DHX36: variants seen among roughly 807,000 people sequenced by gnomAD.
The protein encoded by DHX36 is DEAH-box helicase 36.
Under a neutral mutation model 139.0 loss-of-function variants are expected in DHX36, and 50 were observed. That is an observed-to-expected ratio of 0.36 (90% CI 0.29 to 0.46). The LOEUF is 0.46. Among genes scored for constraint, DHX36 ranks in the 20% least tolerant of loss-of-function variants. The pLI, the probability that DHX36 is intolerant of heterozygous loss-of-function variation, is 1.00. For missense variants in DHX36, 1,024 were observed against 1,211.3 expected (o/e 0.85, Z 2.29); for synonymous variants, 425 against 401.9 (o/e 1.06, Z -0.69).
intron 1 of DHX36, among the ~76,000 whole-genome samples, chr3:154,316,662 T>C (rs868489159): frequency 7.2e-5 from 11 of 152,044 alleles, no homozygotes; most frequent in South Asian, 2.1e-4. Flanking sequence ...CATCAGTGCT[T>C]ATAAGGTGAT....
Position 154,283,141 on chromosome 3 carries a change from C to T in DHX36, c.2376+47G>A, listed in dbSNP as rs539775364. ...ATTGTACAAAATGGATGTATATATT[C>T]TCTAATCTAGCATATATGATAATTA... On this transcript the variant is annotated intron_variant, in intron 20 of 24. Transcript: ENST00000496811. 19 of 1,413,930 alleles carry T rather than the reference C, an allele frequency of 1.3e-5. No homozygotes were observed. The African/African-American group carries it at 2.4e-4, about 18-fold the overall frequency. The allele number at this position is 1,413,930 out of a possible 1,614,324, so 87.6% of individuals were successfully genotyped here.
chr3:154,286,145 G>A lies in DHX36; in HGVS notation c.2032-1158C>T, dbSNP rs192115214. ...ATAAAAATGTCTTAGTAAACTTAAC[G>A]TAATAAGAGCTTCCACACACCAAAA... On this transcript the variant is annotated intron_variant, in intron 17 of 24. Coordinates refer to ENST00000496811, the MANE Select transcript of DHX36 (RefSeq NM_020865.3). Among the ~76,000 whole-genome samples, 16 of 85,014 alleles carry A rather than the reference G, an allele frequency of 1.9e-4. No individual in the cohort carries two copies. In the East Asian group the frequency reaches 4.1e-3, roughly 22 times the overall value. The allele number at this position is 85,014 out of a possible 152,430, so 55.8% of individuals were successfully genotyped here.
intron 16 of DHX36, 84 bp downstream of exon 16, chr3:154,289,625 G>A (rs1329485677): frequency 2.1e-5 from 17 of 812,644 alleles, no homozygotes; most frequent in Admixed American, 6.1e-5. Flanking sequence ...GTTTCTTGGA[G>A]ATTAATACAG....
rs1443246689 is a variant in DHX36 at position 154,306,202 on chromosome 3, T to A, written c.893+14A>T. ...CTAAAATCTGCCTGTATATAAGAAG[T>A]GAACATTTCTTACCTCTGGAGACGA... On this transcript the variant is annotated intron_variant, in intron 6 of 24. Transcript: ENST00000496811. 6.3e-6 allele frequency: 10 copies of A among 1,596,324 alleles called. No individual in the cohort carries two copies. The highest frequency in any genetic ancestry group is 7.7e-6 in the Non-Finnish European group (9 of 1,165,310).
intron 3 of DHX36, among the ~76,000 whole-genome samples, chr3:154,312,769 GGT>G (rs1712807497): frequency 6.8e-6 from 1 of 147,934 alleles, no homozygotes; most frequent in African/African-American, 2.5e-5. Flanking sequence ...TGGAGGTTGT[GGT>G]GAGCCGAGAT....
intron 4 of DHX36, among the ~76,000 whole-genome samples, chr3:154,310,953 A>C (rs1251999036): frequency 1.3e-5 from 2 of 149,534 alleles, no homozygotes; most frequent in African/African-American, 2.5e-5. Context: ...CTGAAATTAT[A>C]GCTGGTAAAT....
rs72996641 is a variant in DHX36 at position 154,293,734 on chromosome 3, A to G, written c.1670+14T>C. The G allele has an allele frequency of 1.0e-3, 1,664 of 1,601,652 alleles. 18 individuals carry two copies. The African/African-American group carries it at 0.02, about 19-fold the overall frequency. Reference sequence around the variant, plus strand: ...ATGTAATCATCAGTATTTGATATTTAAAACTATTTTTACCTAGTCTCCGCA... The same window carrying G: ...ATGTAATCATCAGTATTTGATATTTGAAACTATTTTTACCTAGTCTCCGCA... On this transcript the variant is annotated intron_variant, in intron 14 of 24. Transcript: ENST00000496811.
At chr3:154,323,004 T>C (rs1713252741) in intron 1 of DHX36, among the ~76,000 whole-genome samples, 1 of 152,034 alleles carries the variant, frequency 6.6e-6, no homozygotes. Context: ...GAACATGACA[T>C]GGTTAAAAGA....
chr3:154,321,346 GC>G (rs947636511), intron 1 of DHX36, among the ~76,000 whole-genome samples: 12 of 152,238 alleles, frequency 7.9e-5, no homozygotes, highest in African/African-American at 2.9e-4. Flanking sequence ...ACATGCTACT[GC>G]CTTTGCCTGG....
At position 154,288,952 on chromosome 3, in the gene DHX36, C is replaced by T. The variant is rs2666194; in HGVS notation, c.1945G>A (p.Gly649Ser). 1 of 1,560,906 alleles carries T rather than the reference C, an allele frequency of 6.4e-7. No individual in the cohort carries two copies. The highest frequency in any genetic ancestry group is 8.7e-7 in the Non-Finnish European group (1 of 1,149,328). The change falls in exon 17 of 25, where the codon GGT becomes AGT. Residue 649 changes from glycine to serine, a missense_variant. Around this residue, in one of 4 missense-constraint regions of DHX36, gnomAD observed 470 missense variants for 616.2 expected, o/e 0.76. Coordinates refer to ENST00000496811, the MANE Select transcript of DHX36 (RefSeq NM_020865.3). The stretch of plus-strand genomic sequence containing the variant: ...CTACTCAGAAAATAAGCAATTCCAC[C>T]TAGCCTTAAAATCTAAGTGGGGGAG... Reference protein sequence around the residue: ...LCLQIKILRLGGIAYFLSRLM... With the variant: ...LCLQIKILRLSGIAYFLSRLM...
Position 154,316,097 on chromosome 3 carries a change from C to T in DHX36, c.310G>A (p.Ala104Thr), listed in dbSNP as rs746285368. ...QIVQLLNSVQ[A>T]KNDKESEAQI... is the part of the protein sequence containing the mutation. ...GCTTCTGACTCTTTATCATTCTTCG[C>T]TTGAACAGAATTCAGTAACTGTACA... Residue 104 changes from alanine (A) to threonine (T), a missense_variant, in exon 2 of 25, where the codon GCG (alanine) becomes ACG (threonine). Ala to Thr is a moderately conservative substitution (Grantham distance 58, BLOSUM62 0). Around this residue, in one of 4 missense-constraint regions of DHX36, gnomAD observed 293 missense variants for 274.4 expected, o/e 1.07. Coordinates refer to ENST00000496811, the MANE Select transcript of DHX36 (RefSeq NM_020865.3). 9 of 1,613,238 alleles carry T rather than the reference C, an allele frequency of 5.6e-6. No homozygotes were observed. The highest frequency in any genetic ancestry group is 1.3e-5 in the African/African-American group (1 of 74,870).
rs1719108268 is a variant in DHX36, at chr3:154,275,127, G to A, written c.*1044C>T. On this transcript the variant is annotated 3_prime_UTR_variant, in exon 25 of 25. Coordinates refer to ENST00000496811, the MANE Select transcript of DHX36 (RefSeq NM_020865.3). ...TGTACAGTTGTCCCTCAGTATCTGTGGGGGACTGGTTTCCAACCCCAACCC... is the reference window on the plus strand; with the variant it reads ...TGTACAGTTGTCCCTCAGTATCTGTAGGGGACTGGTTTCCAACCCCAACCC... 1 of 152,070 alleles carries A rather than the reference G, an allele frequency of 6.6e-6. No homozygotes were observed. Among genetic ancestry groups the A allele is most frequent in the South Asian group, 2.1e-4 (1 of 4,820 alleles). 9.4% of individuals were successfully genotyped at this position (152,070 alleles called of 1,614,324 possible).
chr3:154,312,158 T>C (rs1712785262), intron 3 of DHX36: 1 of 152,234 alleles, frequency 6.6e-6, no homozygotes, highest in African/African-American at 2.4e-5. Context: ...GAAAATCTGG[T>C]ACTGCCATTT....
chr3:154,307,390 A>G (rs917768223), intron 5 of DHX36, among the ~76,000 whole-genome samples: 65 of 152,188 alleles, frequency 4.3e-4, no homozygotes, highest in African/African-American at 1.5e-3. Flanking sequence ...ACAAATACCC[A>G]GTATATACAA....
At chr3:154,281,400 C>A (rs1476440724) in intron 20 of DHX36, among the ~76,000 whole-genome samples, 2 of 151,194 alleles carry the variant, frequency 1.3e-5, no homozygotes, top group Admixed American at 6.6e-5. Context: ...TGGCTTATTA[C>A]AAAGCATTCA....
In DHX36 at chr3:154,273,530, C is replaced by G. The variant is rs991516647; in HGVS notation, c.*2641G>C. On this transcript the variant is annotated 3_prime_UTR_variant, in exon 25 of 25. Coordinates refer to ENST00000496811, the MANE Select transcript of DHX36 (RefSeq NM_020865.3). ...AAAGTAAGGGAAAAAAAAGCACAAA[C>G]AGAAACTCTTACAGAGCAAGAAAGA... is the stretch of plus-strand genomic sequence containing the variant. 1 of 152,150 alleles carries G rather than the reference C, an allele frequency of 6.6e-6. No homozygotes were observed. Among genetic ancestry groups the G allele is most frequent in the African/African-American group, 2.4e-5 (1 of 41,422 alleles). 9.4% of individuals were successfully genotyped at this position (152,150 alleles called of 1,614,324 possible).
At chr3:154,301,321 ATTC>A (rs1180394690) in intron 9 of DHX36, among the ~76,000 whole-genome samples, 194 bp from the exon 10 acceptor site, 2 of 152,236 alleles carry the variant, frequency 1.3e-5, no homozygotes, top group Admixed American at 6.5e-5. Flanking sequence ...GATAAAAATC[ATTC>A]TTCTTTATTG....
At chr3:154,318,590 A>C (rs1713076335) in intron 1 of DHX36, among the ~76,000 whole-genome samples, 1 of 152,188 alleles carries the variant, frequency 6.6e-6, no homozygotes, top group East Asian at 1.9e-4. Flanking sequence ...TCCAGTCCAA[A>C]CTATCACAAC....
chr3:154,301,183 A>G (rs1712261280), intron 9 of DHX36, 56 bp from the exon 10 acceptor site: 1 of 1,478,820 alleles, frequency 6.8e-7, no homozygotes, highest in Non-Finnish European at 9.1e-7. Flanking sequence ...AGTTTTAGCT[A>G]AAATCTGTGA....
Sources: gnomAD v4.1 joint callset for allele counts (sites outside exome capture counted in the v4.1 genomes callset) on GRCh38, gnomAD v4.1.1 for gene constraint, gnomAD v4.1.1 regional missense constraint, MANE v1.5 for transcripts, NCBI Gene and HGNC (gene_info 2026-07-23, HGNC 2026-07-21) for gene names.